ADCY9: variants seen among roughly 807,000 people sequenced by gnomAD.
The protein encoded by ADCY9 is adenylate cyclase type 9.
ADCY9 carries 50 observed loss-of-function variants against 101.5 expected under a neutral mutation model. The ratio of observed to expected loss-of-function variants is 0.49; its 90% confidence interval spans 0.39 to 0.62. The LOEUF (loss-of-function observed/expected upper bound fraction) is 0.62, where lower values mean the gene tolerates loss of function less well. Among genes scored for constraint, ADCY9 ranks in the 20% least tolerant of loss-of-function variants. The probability of loss-of-function intolerance (pLI) is 0.00; values close to 1 mark genes in which losing one functional copy is unlikely to be tolerated. For missense variants in ADCY9, 1,662 were observed against 1,800.4 expected (o/e 0.92, Z 1.39); for synonymous variants, 905 against 769.3 (o/e 1.18, Z -2.92).
chr16:4,087,535 C>G (rs1435258437), intron 2 of ADCY9, among the ~76,000 whole-genome samples: 1 of 87,052 alleles, frequency 1.1e-5, no homozygotes, highest in Admixed American at 1.4e-4. Flanking sequence ...GATTCCATCT[C>G]AAAAAGATAA....
chr16:4,048,322 A>G (rs553444322), intron 2 of ADCY9, among the ~76,000 whole-genome samples: 3 of 152,346 alleles, frequency 2.0e-5, no homozygotes, highest in African/African-American at 7.2e-5. Flanking sequence ...TCAAATTTCC[A>G]TTTGTTCTTT....
At chr16:4,089,729 G>C (rs942403509) in intron 2 of ADCY9, among the ~76,000 whole-genome samples, 10 of 151,910 alleles carry the variant, frequency 6.6e-5, no homozygotes, top group Non-Finnish European at 1.2e-4. Context: ...CCCGAGACAA[G>C]ACCATGGTTT....
Position 4,115,668 on chromosome 16 carries a change from A to G in ADCY9, c.-44+22T>C. ...CCCACCGCCCCCACCTTCGAGGCGCACGAGAACCGCTCGGGACGGACCTAG... is the reference window on the plus strand; with the variant it reads ...CCCACCGCCCCCACCTTCGAGGCGCGCGAGAACCGCTCGGGACGGACCTAG... On this transcript the variant is annotated intron_variant, in intron 1 of 10. Transcript: ENST00000294016. The surrounding 1 kb of genome is among the most constrained non-coding windows in gnomAD (Gnocchi z 6.2). 1.8e-6 allele frequency: 1 copy of G among 551,082 alleles called. No homozygotes were observed. The highest frequency in any genetic ancestry group is 3.1e-6 in the Non-Finnish European group (1 of 322,740). The allele number at this position is 551,082 out of a possible 1,614,324, so 34.1% of individuals were successfully genotyped here. A position where few individuals can be genotyped will look rare whatever the true frequency, so the allele number is the denominator to read the frequency against.
intron 2 of ADCY9, among the ~76,000 whole-genome samples, chr16:4,105,365 T>C (rs2057069723): frequency 1.3e-5 from 2 of 151,952 alleles, no homozygotes; most frequent in South Asian, 4.1e-4. Flanking sequence ...GGAGACGTCA[T>C]CTCTACAAAT....
Position 4,045,869 on chromosome 16 carries a change from CTTTTTTTTTT to C in ADCY9, c.1694-38321_1694-38312del, listed in dbSNP as rs56804050. Among the ~76,000 whole-genome samples the C allele has an allele frequency of 6.2e-3, 487 of 78,914 alleles. 3 individuals are homozygous for C. The highest frequency in any genetic ancestry group is 0.019 in the African/African-American group (459 of 23,610). 51.8% of individuals were successfully genotyped at this position (78,914 alleles called of 152,430 possible). ...ATGCACCACCATGCTTTTTTTCTTTCTTTTTTTTTTTTTTTTTTTTTGTAGAGATGAGGTT... is the reference window on the plus strand; with the variant it reads ...ATGCACCACCATGCTTTTTTTCTTTCTTTTTTTTTTTGTAGAGATGAGGTT... On this transcript the variant is annotated intron_variant, in intron 2 of 10. Coordinates refer to ENST00000294016, the MANE Select transcript of ADCY9 (RefSeq NM_001116.4).
rs991986958 is a variant in ADCY9, at chr16:3,965,739, CA to C, written c.*35del. The C allele has an allele frequency of 6.4e-7, 1 of 1,570,664 alleles. No homozygotes were observed. Among genetic ancestry groups the C allele is most frequent in the African/African-American group, 1.4e-5 (1 of 73,266 alleles). On this transcript the variant is annotated 3_prime_UTR_variant, in exon 11 of 11. Coordinates refer to ENST00000294016, the MANE Select transcript of ADCY9 (RefSeq NM_001116.4). ...AAATACAAATATTACTGTGTTTCGACAAACAGAGCACCTCGGGCAGCGGGTG... is the reference window on the plus strand; with the variant it reads ...AAATACAAATATTACTGTGTTTCGACAACAGAGCACCTCGGGCAGCGGGTG...
chr16:4,086,801 A>T (rs1422850260), intron 2 of ADCY9, among the ~76,000 whole-genome samples: 1 of 152,058 alleles, frequency 6.6e-6, no homozygotes, highest in Non-Finnish European at 1.5e-5. Context: ...CTGGAATTAC[A>T]GGCATGCGCC....
intron 2 of ADCY9, among the ~76,000 whole-genome samples, chr16:4,025,634 T>A (rs924447170): frequency 5.3e-5 from 8 of 151,914 alleles, no homozygotes; most frequent in Non-Finnish European, 1.0e-4. Context: ...GGCCCGGGGG[T>A]GTGGCAGGGC....
At chr16:3,953,952 G>A (rs1039779547) in intron 5 of ADCY9, among the ~76,000 whole-genome samples, 4 of 152,208 alleles carry the variant, frequency 2.6e-5, no homozygotes, top group Non-Finnish European at 5.9e-5. Context: ...CATGGATTGA[G>A]AAGGTGGAAT....
chr16:4,079,312 T>C (rs182342354), intron 2 of ADCY9, among the ~76,000 whole-genome samples: 325 of 152,338 alleles, frequency 2.1e-3, no homozygotes, highest in Admixed American at 4.2e-3. Context: ...CTCACGCATG[T>C]AATCCCAGCA....
chr16:4,095,613 AAAT>A (rs1387728940), intron 2 of ADCY9, among the ~76,000 whole-genome samples: 2 of 152,184 alleles, frequency 1.3e-5, no homozygotes, highest in Non-Finnish European at 2.9e-5. Context: ...CACATTAAAA[AAAT>A]AATAATTATT....
At chr16:4,098,386 A>C (rs2057022013) in intron 2 of ADCY9, among the ~76,000 whole-genome samples, 1 of 151,926 alleles carries the variant, frequency 6.6e-6, no homozygotes, top group South Asian at 2.1e-4. Context: ...GGTGCACGCC[A>C]CCAAGCCCGG....
chr16:4,035,774 G>A (rs1597181244), intron 2 of ADCY9, among the ~76,000 whole-genome samples: 1 of 151,936 alleles, frequency 6.6e-6, no homozygotes, highest in African/African-American at 2.4e-5. Context: ...CGAGGCAGGC[G>A]GATCACCTGA....
chr16:4,008,833 G>A (rs539912335), intron 2 of ADCY9, among the ~76,000 whole-genome samples: 4 of 152,288 alleles, frequency 2.6e-5, no homozygotes, highest in South Asian at 2.1e-4. Context: ...ACAGGTGTGA[G>A]CCACTGCACC....
chr16:4,061,327 G>C (rs1338926855), intron 2 of ADCY9, among the ~76,000 whole-genome samples: 1 of 152,070 alleles, frequency 6.6e-6, no homozygotes, highest in Non-Finnish European at 1.5e-5. Flanking sequence ...TCTCACATTT[G>C]ATTTTAAAAA....
intron 2 of ADCY9, among the ~76,000 whole-genome samples, chr16:4,111,631 G>A (rs972101846): frequency 6.6e-6 from 1 of 152,124 alleles, no homozygotes; most frequent in East Asian, 1.9e-4. Context: ...TTTGTAAAAT[G>A]AGCTCAAGAA....
intron 3 of ADCY9, among the ~76,000 whole-genome samples, chr16:3,998,769 A>AG (rs2056309156): frequency 6.3e-5 from 1 of 15,906 alleles, no homozygotes; most frequent in Non-Finnish European, 1.4e-4. Context: ...AAAAGAAAAG[A>AG]AAAGAAAAGA....
intron 2 of ADCY9, among the ~76,000 whole-genome samples, chr16:4,043,115 C>T (rs1038697393): frequency 3.3e-5 from 5 of 152,070 alleles, no homozygotes; most frequent in African/African-American, 9.7e-5. Flanking sequence ...ACTGAAGTCC[C>T]AGCTACTTGG....
At chr16:3,975,545 G>A (rs2141680907) in intron 9 of ADCY9, among the ~76,000 whole-genome samples, 1 of 152,272 alleles carries the variant, frequency 6.6e-6, no homozygotes, top group Middle Eastern at 3.4e-3. Flanking sequence ...GCTTTTGAAT[G>A]AATTCAAGCA....
Sources: gnomAD v4.1 joint callset for allele counts (sites outside exome capture counted in the v4.1 genomes callset) on GRCh38, gnomAD v4.1.1 for gene constraint, Gnocchi (gnomAD v3.1) non-coding constraint, MANE v1.5 for transcripts, NCBI Gene and HGNC (gene_info 2026-07-23, HGNC 2026-07-21) for gene names.